MAGI1: variants seen among roughly 807,000 people sequenced by gnomAD.
MAGI1 encodes membrane associated guanylate kinase, WW and PDZ domain containing 1.
MAGI1 carries 58 observed loss-of-function variants against 139.9 expected under a neutral mutation model. The ratio of observed to expected loss-of-function variants is 0.41; its 90% CI spans 0.34 to 0.52. The LOEUF is 0.52. Among genes scored for constraint, MAGI1 ranks in the 20% least tolerant of loss-of-function variants. The pLI is 0.12. For synonymous variants in MAGI1, 812 were observed against 737.9 expected, an observed-to-expected ratio of 1.10 and a Z score of -1.63; for missense variants, 1,874 against 1,901.6, an observed-to-expected ratio of 0.99 and a Z score of 0.27.
intron 2 of MAGI1, chr3:65,499,008 ATACT>A: frequency 1.0e-6 from 1 of 985,022 alleles, no homozygotes; most frequent in Non-Finnish European, 1.2e-6. Context: ...AACAAGAAAC[ATACT>A]TACCTGAAAC....
chr3:65,825,011 G>A (rs1575616972), intron 1 of MAGI1, among the ~76,000 whole-genome samples: 2 of 152,082 alleles, frequency 1.3e-5, no homozygotes, highest in South Asian at 2.1e-4. Context: ...AATGGCTTAC[G>A]GTAAAACACC....
chr3:65,691,486 A>C (rs1270458110), intron 1 of MAGI1, among the ~76,000 whole-genome samples: 1 of 152,024 alleles, frequency 6.6e-6, no homozygotes, highest in African/African-American at 2.4e-5. Flanking sequence ...TACACTGAGA[A>C]ATCTGTTTTC....
intron 2 of MAGI1, among the ~76,000 whole-genome samples, chr3:65,587,161 G>C (rs971227126): frequency 9.9e-5 from 15 of 152,124 alleles, no homozygotes; most frequent in Non-Finnish European, 1.8e-4. Context: ...ATGCCATTGG[G>C]ATACAGATGC....
At chr3:65,414,169 T>C (rs1946014386) in intron 12 of MAGI1, among the ~76,000 whole-genome samples, 1 of 152,184 alleles carries the variant, frequency 6.6e-6, no homozygotes, top group Non-Finnish European at 1.5e-5. Flanking sequence ...GAAAGGAATT[T>C]TTGAAAGCTG....
intron 12 of MAGI1, among the ~76,000 whole-genome samples, chr3:65,408,912 G>A (rs770314634): frequency 3.9e-5 from 6 of 152,294 alleles, no homozygotes; most frequent in South Asian, 2.1e-4. Flanking sequence ...CTTTCACAGC[G>A]CTCACATTCT....
intron 1 of MAGI1, among the ~76,000 whole-genome samples, chr3:65,626,104 A>C (rs1009707208): frequency 1.5e-4 from 23 of 152,230 alleles, no homozygotes; most frequent in African/African-American, 5.5e-4. Flanking sequence ...CTCTTAGGTG[A>C]CAAGAGTTCT....
intron 1 of MAGI1, among the ~76,000 whole-genome samples, chr3:66,002,596 G>C (rs1322938912): frequency 1.3e-5 from 2 of 152,038 alleles, no homozygotes. Context: ...ACTCACTGCA[G>C]CCTCCACCTC....
intron 1 of MAGI1, among the ~76,000 whole-genome samples, chr3:65,652,409 G>C (rs2085635972): frequency 6.6e-6 from 1 of 152,150 alleles, no homozygotes; most frequent in South Asian, 2.1e-4. Context: ...GTTGTTGGGA[G>C]AAGGGGGTCT....
chr3:65,454,593 T>G (rs1028764979), intron 5 of MAGI1, among the ~76,000 whole-genome samples: 9 of 150,518 alleles, frequency 6.0e-5, no homozygotes, highest in African/African-American at 2.2e-4. Flanking sequence ...AAGAAGTTTT[T>G]TTAAAAATTA....
At chr3:65,881,751 C>G (rs544888845) in intron 1 of MAGI1, among the ~76,000 whole-genome samples, 47 of 152,254 alleles carry the variant, frequency 3.1e-4, no homozygotes, top group African/African-American at 1.1e-3. Flanking sequence ...GTTCTCAAGT[C>G]TATGGGAGGG....
chr3:65,832,279 T>C (rs1292950131), intron 1 of MAGI1, among the ~76,000 whole-genome samples: 1 of 152,180 alleles, frequency 6.6e-6, no homozygotes, highest in Non-Finnish European at 1.5e-5. Context: ...CTTTGTGCCT[T>C]ATAATTTGGT....
chr3:65,881,886 G>C (rs1004180444), intron 1 of MAGI1, among the ~76,000 whole-genome samples: 10 of 152,224 alleles, frequency 6.6e-5, no homozygotes, highest in Admixed American at 4.6e-4. Context: ...AGAGCCTCTG[G>C]AAAGCCAGTA....
At chr3:65,394,632 A>G (rs2107030635) in intron 13 of MAGI1, among the ~76,000 whole-genome samples, 1 of 152,122 alleles carries the variant, frequency 6.6e-6, no homozygotes, top group South Asian at 2.1e-4. Context: ...TCTTGTGGGC[A>G]CTCTGGATTT....
chr3:65,701,689 T>G (rs1379913368), intron 1 of MAGI1, among the ~76,000 whole-genome samples: 1 of 152,144 alleles, frequency 6.6e-6, no homozygotes, highest in Non-Finnish European at 1.5e-5. Context: ...TAGGAAGAGC[T>G]TGAATAAGAA....
intron 1 of MAGI1, among the ~76,000 whole-genome samples, chr3:65,998,101 T>TC (rs2066552871): frequency 6.9e-6 from 1 of 145,234 alleles, no homozygotes; most frequent in South Asian, 2.3e-4. Context: ...AGACTCTGTC[T>TC]CGGGAAAAAA....
intron 1 of MAGI1, among the ~76,000 whole-genome samples, chr3:65,959,335 C>T (rs1392697530): frequency 6.6e-6 from 1 of 152,066 alleles, no homozygotes; most frequent in African/African-American, 2.4e-5. Flanking sequence ...TGTCTTTATC[C>T]TCTTAGCTAT....
intron 2 of MAGI1, among the ~76,000 whole-genome samples, chr3:65,566,021 T>C (rs9845257): frequency 0.71 from 108,004 of 151,788 alleles, 38,753 homozygotes; most frequent in East Asian, 0.95. Context: ...TTTGGGAGGC[T>C]GAGGCGGGCG....
chr3:65,867,165 G>C (rs747776712), intron 1 of MAGI1, among the ~76,000 whole-genome samples: 1 of 152,132 alleles, frequency 6.6e-6, no homozygotes, highest in Non-Finnish European at 1.5e-5. Context: ...AGAATACCTA[G>C]AAAGTTACCA....
intron 1 of MAGI1, among the ~76,000 whole-genome samples, chr3:65,995,709 C>T (rs541419562): frequency 6.6e-6 from 1 of 152,310 alleles, no homozygotes; most frequent in South Asian, 2.1e-4. Flanking sequence ...GCTGAGCATG[C>T]GCTGCTCCAC....
Sources: allele counts gnomAD v4.1 joint callset (sites outside exome capture counted in the v4.1 genomes callset), GRCh38; gene constraint gnomAD v4.1.1; transcripts MANE v1.5; gene names NCBI Gene and HGNC (gene_info 2026-07-23, HGNC 2026-07-21).